The following DHCR7 variants were observed in gnomAD, a reference collection of about 807,000 sequenced individuals.
DHCR7 encodes 7-DHC reductase.
Under a neutral mutation model 43.3 loss-of-function variants are expected in DHCR7, and 40 were observed. That is an observed-to-expected ratio of 0.92 (90% CI 0.72 to 1.20). The LOEUF is 1.20. DHCR7 is among the 50% of genes most tolerant of loss of function. DHCR7 has a pLI of 0.00. For missense variants in DHCR7, 608 were observed against 644.6 expected (o/e 0.94, Z 0.62); for synonymous variants, 298 against 271.4 (o/e 1.10, Z -0.96).
At position 71,444,931 on chromosome 11, in the gene DHCR7, T is replaced by C. The variant is rs1205809191; in HGVS notation, c.22A>G (p.Asn8Asp). 1.9e-6 allele frequency: 3 copies of C among 1,614,206 alleles called. No homozygotes were observed. The highest frequency in any genetic ancestry group is 2.2e-5 in the South Asian group (2 of 91,090). MAAKSQP[N>D]IPKAKSLDGV... ...TCTAGACTCTTGGCTTTGGGAATGT[T>C]GGGTTGCGATTTTGCAGCCATTGGG... The change falls in exon 3 of 9, where the codon AAC becomes GAC. Residue 8 changes from asparagine (N) to aspartate (D), a missense_variant. Physicochemically the swap from Asn to Asp is conservative, Grantham distance 23. Coordinates refer to ENST00000355527, the MANE Select transcript of DHCR7 (RefSeq NM_001360.3).
At chr11:71,442,134 A>C in intron 5 of DHCR7, 129 bp downstream of exon 5, 1 of 772,740 alleles carries the variant, frequency 1.3e-6, no homozygotes, top group Admixed American at 2.1e-5. Flanking sequence ...TGGTGCTGTG[A>C]AAAATCCAAG....
chr11:71,434,368 T>C, downstream of DHCR7: 1 of 152,928 alleles, frequency 6.5e-6, no homozygotes, highest in Non-Finnish European at 1.5e-5. Flanking sequence ...TCAGGCCCAT[T>C]CACGAGTCAG....
chr11:71,430,846 T>TG (rs1223067394), downstream of DHCR7, among the ~76,000 whole-genome samples: 2 of 152,108 alleles, frequency 1.3e-5, no homozygotes, highest in Non-Finnish European at 2.9e-5. Context: ...GATTGGCTTG[T>TG]GAGTATGCAG....
intron 8 of DHCR7, 31 bp from the exon 9 acceptor site, chr11:71,435,870 T>A: frequency 6.4e-7 from 1 of 1,567,822 alleles, no homozygotes; most frequent in South Asian, 1.1e-5. Context: ...GGTCAAGCGG[T>A]GCTTTGCCCA....
At chr11:71,434,165 G>T (rs112016472), downstream of DHCR7, among the ~76,000 whole-genome samples, 18 of 152,150 alleles carry the variant, frequency 1.2e-4, no homozygotes, top group East Asian at 1.9e-4. Flanking sequence ...CATCTCCTTG[G>T]GGGGGAATGG....
In DHCR7 at chr11:71,444,923, G is replaced by C. The variant is rs775421040; in HGVS notation, c.30C>G (p.Pro10=). ...TGACGCCATCTAGACTCTTGGCTTT[G>C]GGAATGTTGGGTTGCGATTTTGCAG... MAAKSQPNI[P]KAKSLDGVTN... is the part of the protein sequence containing the mutation. The change falls in exon 3 of 9, where the codon CCC becomes CCG. Residue 10 remains proline, a synonymous_variant. Transcript: ENST00000355527. 1.2e-6 allele frequency: 2 copies of C among 1,614,186 alleles called. No individual in the cohort carries two copies. The highest frequency in any genetic ancestry group is 2.2e-5 in the South Asian group (2 of 91,092).
intron 7 of DHCR7, 111 bp downstream of exon 7, chr11:71,438,768 G>A (rs1949316115): frequency 6.8e-6 from 8 of 1,182,364 alleles, no homozygotes; most frequent in Non-Finnish European, 9.8e-6. Flanking sequence ...GAGGGCAGCT[G>A]ACTCTCTTTT....
chr11:71,427,301 C>G (rs1169118011), downstream of DHCR7, among the ~76,000 whole-genome samples: 1 of 151,870 alleles, frequency 6.6e-6, no homozygotes, highest in Admixed American at 6.6e-5. Flanking sequence ...CGTGGCACAC[C>G]CATTTATTTA....
downstream of DHCR7, among the ~76,000 whole-genome samples, chr11:71,432,509 G>A (rs1440139597): frequency 6.6e-6 from 1 of 152,202 alleles, no homozygotes; most frequent in Non-Finnish European, 1.5e-5. Flanking sequence ...AGTAAATCAA[G>A]CTAATTAACA....
chr11:71,431,821 T>C (rs1017700111), downstream of DHCR7, among the ~76,000 whole-genome samples: 1 of 152,214 alleles, frequency 6.6e-6, no homozygotes, highest in East Asian at 1.9e-4. Context: ...ATATTTCATA[T>C]GAAAACTTTA....
Position 71,438,960 on chromosome 11 carries a change from G to A in DHCR7, c.750C>T (p.Leu250=). The change falls in exon 7 of 9, where the codon CTC becomes CTT. Residue 250 remains leucine (L), a synonymous_variant. Transcript: ENST00000355527. ...NGRPGIVAWT[L]INLSFAAKQR... is the part of the protein sequence containing the mutation. ...GCTTCGCTGCGAAGGACAGGTTGAT[G>A]AGGGTCCAGGCGACGATCCCGGGGC... 1 of 1,614,066 alleles carries A rather than the reference G, an allele frequency of 6.2e-7. No homozygotes were observed. Among genetic ancestry groups the A allele is most frequent in the Non-Finnish European group, 8.5e-7 (1 of 1,180,054 alleles).
chr11:71,448,632 G>C (rs950073285), upstream of DHCR7: 3 of 152,254 alleles, frequency 2.0e-5, no homozygotes, highest in Non-Finnish European at 2.9e-5. Flanking sequence ...GCGCTTCTTC[G>C]GGATCCCAGC....
intron 3 of DHCR7, among the ~76,000 whole-genome samples, chr11:71,444,589 AC>A (rs1565589848): frequency 6.6e-6 from 1 of 151,946 alleles, no homozygotes; most frequent in Non-Finnish European, 1.5e-5. Flanking sequence ...AATAGGTCAT[AC>A]CCCCAGATGG....
chr11:71,433,068 G>T (rs944798999), downstream of DHCR7, among the ~76,000 whole-genome samples: 1 of 152,216 alleles, frequency 6.6e-6, no homozygotes, highest in African/African-American at 2.4e-5. Flanking sequence ...CCTGTCCTGG[G>T]GTACTGGATG....
chr11:71,440,478 T>C (rs1311140886), intron 6 of DHCR7, among the ~76,000 whole-genome samples: 2 of 74,846 alleles, frequency 2.7e-5, no homozygotes, highest in Non-Finnish European at 5.4e-5. Context: ...GATGGATGGG[T>C]GGGTGGGTAG....
rs768765843 is a variant in DHCR7 at position 71,435,798 on chromosome 11, C to T, written c.1005G>A (p.Pro335=). 5.0e-5 allele frequency: 81 copies of T among 1,606,774 alleles called. No homozygotes were observed. The highest frequency in any genetic ancestry group is 1.6e-4 in the Middle Eastern group (1 of 6,072). Residue 335 remains proline, a synonymous_variant, in exon 9 of 9, where the codon CCG becomes CCA. Transcript: ENST00000355527. ...LVYHPVQLST[P]HAVGVLLLGL... ...CCAGCAGCAGGACGCCCACGGCGTG[C>T]GGGGTGGACAGCTGCACGGGGTGGT... is the stretch of plus-strand genomic sequence containing the variant.
At chr11:71,446,485 T>G (rs1591115205) in intron 2 of DHCR7, among the ~76,000 whole-genome samples, 1 of 152,182 alleles carries the variant, frequency 6.6e-6, no homozygotes, top group South Asian at 2.1e-4. Flanking sequence ...GGAAATTACT[T>G]AGAAACAAGT....
chr11:71,435,148 C>T lies in DHCR7; in HGVS notation c.*227G>A, dbSNP rs1242081867. ...CCAGGGACACTGATTAGAGAAAATCCGTCTGTGCTGGCAATACGGCAGTGC... is the reference window on the plus strand; with the variant it reads ...CCAGGGACACTGATTAGAGAAAATCTGTCTGTGCTGGCAATACGGCAGTGC... On this transcript the variant is annotated 3_prime_UTR_variant, in exon 9 of 9. Transcript: ENST00000355527. 2.9e-6 allele frequency: 2 copies of T among 690,292 alleles called. No individual in the cohort carries two copies. Among genetic ancestry groups the T allele is most frequent in the Non-Finnish European group, 5.3e-6 (2 of 378,036 alleles). 42.8% of individuals were successfully genotyped at this position (690,292 alleles called of 1,614,324 possible).
chr11:71,429,474 G>A (rs924991516), downstream of DHCR7, among the ~76,000 whole-genome samples: 8 of 152,330 alleles, frequency 5.3e-5, no homozygotes, highest in East Asian at 1.3e-3. Context: ...TGGGACGGGG[G>A]CACCCGGTAG....
Sources: allele counts gnomAD v4.1 joint callset (sites outside exome capture counted in the v4.1 genomes callset), GRCh38; gene constraint gnomAD v4.1.1; transcripts MANE v1.5; gene names NCBI Gene and HGNC (gene_info 2026-07-23, HGNC 2026-07-21).